CAMKMT: variants seen among roughly 807,000 people sequenced by gnomAD.
CAMKMT encodes the protein calmodulin-lysine N-methyltransferase, also known as CaM KMT.
Under a neutral mutation model 48.0 loss-of-function variants are expected in CAMKMT, and 53 were observed. The observed-to-expected ratio is 1.10, with a 90% CI of 0.89 to 1.39. CAMKMT has a LOEUF of 1.39. Among genes scored for constraint, CAMKMT ranks in the 40% most tolerant of loss-of-function variants. CAMKMT has a pLI of 0.00. For synonymous variants in CAMKMT, 165 were observed against 152.3 expected (o/e 1.08, Z -0.61); for missense variants, 428 against 402.7 (o/e 1.06, Z -0.54).
chr2:44,409,272 A>G lies in CAMKMT; in HGVS notation c.376+18967A>G, dbSNP rs562876906. Among the ~76,000 whole-genome samples, 5 of 151,648 alleles carry G rather than the reference A, an allele frequency of 3.3e-5. No homozygotes were observed. In the South Asian group the frequency reaches 1.0e-3, roughly 32 times the overall value. ...GAATCCGGCATTCTTGCAGGTATGT[A>G]TTATCTTAATAGTTAGTTGACATTT... On this transcript the variant is annotated intron_variant, in intron 3 of 10. Transcript: ENST00000378494.
intron 3 of CAMKMT, among the ~76,000 whole-genome samples, chr2:44,494,345 T>A (rs1004330794): frequency 1.3e-5 from 2 of 152,158 alleles, no homozygotes; most frequent in Non-Finnish European, 2.9e-5. Flanking sequence ...ATTTTGTGAG[T>A]GGTATTTTAA....
intron 6 of CAMKMT, among the ~76,000 whole-genome samples, chr2:44,713,548 TTTAG>T (rs1677999059): frequency 6.6e-6 from 1 of 152,184 alleles, no homozygotes; most frequent in Non-Finnish European, 1.5e-5. Flanking sequence ...GATGTGTCAT[TTTAG>T]TTAATCAAAA....
chr2:44,621,866 A>T (rs1672214063), intron 3 of CAMKMT, among the ~76,000 whole-genome samples: 1 of 152,236 alleles, frequency 6.6e-6, no homozygotes, highest in African/African-American at 2.4e-5. Context: ...GGAAAAGTTG[A>T]TAAAAGACTA....
At chr2:44,552,601 T>C (rs1173367162) in intron 3 of CAMKMT, among the ~76,000 whole-genome samples, 1 of 152,206 alleles carries the variant, frequency 6.6e-6, no homozygotes, top group Non-Finnish European at 1.5e-5. Context: ...TATTGAGCAC[T>C]TACGTTTCAG....
intron 2 of CAMKMT, among the ~76,000 whole-genome samples, chr2:44,375,200 A>T (rs184882010): frequency 1.3e-5 from 2 of 151,590 alleles, no homozygotes; most frequent in East Asian, 1.9e-4. Flanking sequence ...TTTTAATATT[A>T]CTTGGAATAG....
chr2:44,698,926 G>A (rs1333445523), intron 3 of CAMKMT, among the ~76,000 whole-genome samples: 2 of 152,182 alleles, frequency 1.3e-5, no homozygotes, highest in Non-Finnish European at 2.9e-5. Flanking sequence ...AGTGTTCACA[G>A]CATCTTCACC....
chr2:44,382,564 C>T (rs1050273204), intron 2 of CAMKMT, among the ~76,000 whole-genome samples: 3 of 151,602 alleles, frequency 2.0e-5, no homozygotes, highest in East Asian at 1.9e-4. Flanking sequence ...CTGCAAGCTC[C>T]GCCTCCCGGG....
intron 3 of CAMKMT, among the ~76,000 whole-genome samples, chr2:44,571,339 G>A (rs1355725090): frequency 1.3e-5 from 2 of 152,288 alleles, no homozygotes; most frequent in South Asian, 4.1e-4. Context: ...AAACTTGAGA[G>A]AAGGAAAGAA....
At chr2:44,415,678 T>A (rs1031817494) in intron 3 of CAMKMT, among the ~76,000 whole-genome samples, 4 of 152,232 alleles carry the variant, frequency 2.6e-5, no homozygotes, top group Admixed American at 2.0e-4. Flanking sequence ...GAAGGAATTA[T>A]ACGTTTAAAG....
At chr2:44,446,715 C>T (rs1667021519) in intron 3 of CAMKMT, among the ~76,000 whole-genome samples, 1 of 152,222 alleles carries the variant, frequency 6.6e-6, no homozygotes, top group Non-Finnish European at 1.5e-5. Flanking sequence ...CAGTCTTCCA[C>T]CACACTGTAT....
chr2:44,750,583 T>C (rs1302332869), intron 8 of CAMKMT, among the ~76,000 whole-genome samples: 3 of 152,228 alleles, frequency 2.0e-5, no homozygotes, highest in Non-Finnish European at 4.4e-5. Flanking sequence ...TGAAGATGTA[T>C]GTCTCATACA....
chr2:44,590,171 T>G (rs944581519), intron 3 of CAMKMT, among the ~76,000 whole-genome samples: 9 of 152,084 alleles, frequency 5.9e-5, no homozygotes, highest in Admixed American at 5.9e-4. Flanking sequence ...TAGTGTTTAA[T>G]AGAAGCAGCA....
At position 44,389,955 on chromosome 2, in the gene CAMKMT, A is replaced by G. The variant is rs369931267; in HGVS notation, c.312-286A>G. On this transcript the variant is annotated intron_variant, in intron 2 of 10. Transcript: ENST00000378494. ...TGGGTTTTTGGCTTTAAAAAGGTTA[A>G]GAACTTCCCTTTACATAATGAAAAC... Among the ~76,000 whole-genome samples the G allele has an allele frequency of 5.1e-4, 77 of 152,304 alleles. 1 individual carries two copies. In the South Asian group the frequency reaches 0.016, roughly 31 times the overall value.
chr2:44,439,841 T>C (rs1461212863), intron 3 of CAMKMT, among the ~76,000 whole-genome samples: 1 of 151,902 alleles, frequency 6.6e-6, no homozygotes, highest in African/African-American at 2.4e-5. Flanking sequence ...AATGCCGATA[T>C]GCTGGGAGGA....
intron 3 of CAMKMT, among the ~76,000 whole-genome samples, chr2:44,526,618 A>G (rs1033277880): frequency 3.3e-5 from 5 of 152,166 alleles, no homozygotes; most frequent in Admixed American, 3.3e-4. Flanking sequence ...GCCCCAGCTC[A>G]GGTAGAGAGA....
chr2:44,481,212 ATTAT>A (rs1668948905), intron 3 of CAMKMT, among the ~76,000 whole-genome samples: 1 of 152,090 alleles, frequency 6.6e-6, no homozygotes, highest in Non-Finnish European at 1.5e-5. Context: ...TACTGAAAAA[ATTAT>A]TTGTTTTTAA....
chr2:44,456,742 T>C, intron 3 of CAMKMT: 2 of 777,210 alleles, frequency 2.6e-6, no homozygotes, highest in South Asian at 2.6e-5. Context: ...GAAATCCTCA[T>C]GCTAAATGTT....
chr2:44,587,338 G>C (rs577118713), intron 3 of CAMKMT, among the ~76,000 whole-genome samples: 209 of 152,246 alleles, frequency 1.4e-3, no homozygotes, highest in Non-Finnish European at 2.3e-3. Flanking sequence ...AATTTTCAAA[G>C]TACAGGTTTT....
intron 3 of CAMKMT, among the ~76,000 whole-genome samples, chr2:44,569,244 G>C (rs1668778688): frequency 6.6e-6 from 1 of 152,054 alleles, no homozygotes; most frequent in Non-Finnish European, 1.5e-5. Context: ...ATTTTCAAAA[G>C]TTCTAAGTTC....
Sources: allele counts gnomAD v4.1 joint callset (sites outside exome capture counted in the v4.1 genomes callset), GRCh38; gene constraint gnomAD v4.1.1; transcripts MANE v1.5; gene names NCBI Gene and HGNC (gene_info 2026-07-23, HGNC 2026-07-21).